Variants in XPNPEP1 observed in about 807,000 individuals in gnomAD.
XPNPEP1 encodes the protein xaa-Pro aminopeptidase 1.
XPNPEP1 carries 39 observed loss-of-function variants against 92.4 expected under a neutral mutation model. The ratio of observed to expected loss-of-function variants is 0.42; its 90% CI spans 0.33 to 0.55. The LOEUF is 0.55. Among genes scored for constraint, XPNPEP1 ranks in the 20% least tolerant of loss-of-function variants. The pLI, the probability that XPNPEP1 is intolerant of heterozygous loss-of-function variation, is 0.08. For synonymous variants in XPNPEP1, 307 were observed against 299.4 expected (o/e 1.03, Z -0.26); for missense variants, 654 against 856.1 (o/e 0.76, Z 2.95).
intron 1 of XPNPEP1, among the ~76,000 whole-genome samples, chr10:109,915,956 C>T (rs543691389): frequency 3.3e-5 from 5 of 152,052 alleles, no homozygotes; most frequent in Non-Finnish European, 7.4e-5. Context: ...TAATCCAGGC[C>T]CTATTCTGGA....
rs1847181793 is a variant in XPNPEP1 at position 109,867,004 on chromosome 10, A to C, written c.1872+1610T>G. On this transcript the variant is annotated intron_variant, in intron 20 of 20. Coordinates refer to ENST00000502935, the MANE Select transcript of XPNPEP1 (RefSeq NM_020383.4). This position sits in a 1 kb window ranked among gnomAD's most constrained non-coding sequence, Gnocchi z 4.5. ...ACTTCCCTGGATAAAGGGGAATGTC[A>C]TATGGGAGAAATGCCTCCTGATGGG... Among the ~76,000 whole-genome samples, 1 of 152,256 alleles carries C rather than the reference A, an allele frequency of 6.6e-6. No homozygotes were observed. Among genetic ancestry groups the C allele is most frequent in the Non-Finnish European group, 1.5e-5 (1 of 68,038 alleles).
Position 109,880,926 on chromosome 10 carries a change from G to A in XPNPEP1, c.1047C>T (p.His349=). 6.2e-7 allele frequency: 1 copy of A among 1,613,876 alleles called. No homozygotes were observed. Among genetic ancestry groups the A allele is most frequent in the Non-Finnish European group, 8.5e-7 (1 of 1,179,890 alleles). The change falls in exon 11 of 21, where the codon CAC becomes CAT. Residue 349 remains histidine, a synonymous_variant. Coordinates refer to ENST00000502935, the MANE Select transcript of XPNPEP1 (RefSeq NM_020383.4). The part of the protein sequence containing the change: ...YAVSETIPKD[H]RCCMPYTPIC... ...TGGGGGTGTAAGGCATACAGCAGCG[G>A]TGGTCCTAGAGGCAAAGGGCAGTAG...
intron 1 of XPNPEP1, 55 bp downstream of exon 1, chr10:109,923,347 G>A: frequency 7.2e-7 from 1 of 1,394,772 alleles, no homozygotes; most frequent in Non-Finnish European, 9.3e-7. Context: ...ACGCGCGGCC[G>A]CGCAGCGAGG....
At chr10:109,910,452 G>A (rs1009609630) in intron 2 of XPNPEP1, among the ~76,000 whole-genome samples, 4 of 151,406 alleles carry the variant, frequency 2.6e-5, no homozygotes, top group Admixed American at 1.3e-4. Context: ...GCTGAGGCAG[G>A]AGAATTGCTC....
In XPNPEP1 at chr10:109,918,484, G is replaced by A. The variant is rs138295322; in HGVS notation, c.33-3385C>T. Reference sequence around the variant, plus strand: ...ATTCAAAAATTAACACAAATGGGCCGGGCACGGTGGCTCACGCCTGTAATC... The same window carrying A: ...ATTCAAAAATTAACACAAATGGGCCAGGCACGGTGGCTCACGCCTGTAATC... On this transcript the variant is annotated intron_variant, in intron 1 of 20. Coordinates refer to ENST00000502935, the MANE Select transcript of XPNPEP1 (RefSeq NM_020383.4). Among the ~76,000 whole-genome samples, 1,165 of 150,184 alleles carry A rather than the reference G, an allele frequency of 7.8e-3. 17 individuals are homozygous for A. Among genetic ancestry groups the A allele is most frequent in the African/African-American group, 0.027 (1,117 of 40,890 alleles).
intron 9 of XPNPEP1, chr10:109,883,819 T>A: frequency 4.8e-6 from 2 of 413,654 alleles, no homozygotes; most frequent in Non-Finnish European, 8.6e-6. Flanking sequence ...AAACTTGACA[T>A]CAAATGGGTG....
chr10:109,870,059 A>G (rs374707813), intron 18 of XPNPEP1, 30 bp from the exon 19 acceptor site: 4 of 1,611,760 alleles, frequency 2.5e-6, no homozygotes, highest in Non-Finnish European at 3.4e-6. Context: ...AAAAATGAGA[A>G]GCAGCCCACG....
Position 109,873,537 on chromosome 10 carries a change from T to G in XPNPEP1, c.1392-110A>C, listed in dbSNP as rs1289052350. The G allele has an allele frequency of 5.4e-6, 7 of 1,299,306 alleles. No individual in the cohort carries two copies. In the East Asian group the frequency reaches 9.3e-5, roughly 17 times the overall value. 80.5% of individuals were successfully genotyped at this position (1,299,306 alleles called of 1,614,324 possible). A position where few individuals can be genotyped will look rare whatever the true frequency, so the allele number is the denominator to read the frequency against. ...AAGCCCCATACAATGCTGGTGGGCA[T>G]GTAAAATAGCACAGCCATCTTTGCA... On this transcript the variant is annotated intron_variant, in intron 15 of 20. Transcript: ENST00000502935.
chr10:109,905,308 C>A (rs1024101620), intron 3 of XPNPEP1, among the ~76,000 whole-genome samples: 1 of 152,116 alleles, frequency 6.6e-6, no homozygotes, highest in Non-Finnish European at 1.5e-5. Context: ...CTCTCAGGAT[C>A]AAGCAAATTC....
Position 109,877,991 on chromosome 10 carries a change from G to A in XPNPEP1, c.1241+9C>T. On this transcript the variant is annotated intron_variant, in intron 13 of 20. Transcript: ENST00000502935. Reference sequence around the variant, plus strand: ...CGAGGCTCCTGGGTCCCCCCAAATGGATCCTTACCTGCGAAACTCCTCAGC... The same window carrying A: ...CGAGGCTCCTGGGTCCCCCCAAATGAATCCTTACCTGCGAAACTCCTCAGC... 2 of 1,614,204 alleles carry A rather than the reference G, an allele frequency of 1.2e-6. No individual in the cohort carries two copies. The highest frequency in any genetic ancestry group is 1.7e-6 in the Non-Finnish European group (2 of 1,180,034).
chr10:109,883,189 C>T (rs1848203474), intron 9 of XPNPEP1, among the ~76,000 whole-genome samples: 1 of 152,162 alleles, frequency 6.6e-6, no homozygotes, highest in South Asian at 2.1e-4. Flanking sequence ...CCCCTGCTCA[C>T]ATTCTGGCCT....
chr10:109,886,784 C>T (rs115462772), intron 7 of XPNPEP1, among the ~76,000 whole-genome samples: 165 of 152,302 alleles, frequency 1.1e-3, no homozygotes, highest in African/African-American at 3.7e-3. Flanking sequence ...CAACACACTA[C>T]CCAGCAAAGG....
At chr10:109,896,763 C>T (rs918103143) in intron 3 of XPNPEP1, among the ~76,000 whole-genome samples, 2 of 152,018 alleles carry the variant, frequency 1.3e-5, no homozygotes, top group African/African-American at 4.8e-5. Context: ...CTTTTCCCTA[C>T]ATCCAGTTAA....
rs868574498 is a variant in XPNPEP1 at position 109,878,547 on chromosome 10, A to G, written c.1183-489T>C. ...ATCCTTTTTTAAGGCCTCAATGTACATGGAAAATGTTCACACTATGATTCT... is the reference window on the plus strand; with the variant it reads ...ATCCTTTTTTAAGGCCTCAATGTACGTGGAAAATGTTCACACTATGATTCT... On this transcript the variant is annotated intron_variant, in intron 12 of 20. Coordinates refer to ENST00000502935, the MANE Select transcript of XPNPEP1 (RefSeq NM_020383.4). 3.3e-4 allele frequency among the ~76,000 whole-genome samples: 51 copies of G among 152,314 alleles called. 1 individual carries two copies. Among genetic ancestry groups the G allele is most frequent in the Middle Eastern group, 3.4e-3 (1 of 294 alleles).
intron 15 of XPNPEP1, among the ~76,000 whole-genome samples, chr10:109,874,732 G>A (rs1471412262): frequency 1.3e-5 from 2 of 152,158 alleles, no homozygotes; most frequent in East Asian, 1.9e-4. Context: ...GGCGGATCAC[G>A]AGGTCAGGAG....
intron 20 of XPNPEP1, among the ~76,000 whole-genome samples, chr10:109,866,760 G>A (rs921718222): frequency 6.6e-6 from 1 of 152,206 alleles, no homozygotes; most frequent in Non-Finnish European, 1.5e-5. Context: ...AAATAGTAAA[G>A]GGCAAATGAC....
chr10:109,908,066 A>G (rs1299459604), intron 2 of XPNPEP1, among the ~76,000 whole-genome samples: 1 of 152,204 alleles, frequency 6.6e-6, no homozygotes, highest in African/African-American at 2.4e-5. Flanking sequence ...TTCCAACTTG[A>G]CTGGTTACCT....
chr10:109,890,064 A>C (rs963633076), intron 5 of XPNPEP1, among the ~76,000 whole-genome samples: 1 of 152,206 alleles, frequency 6.6e-6, no homozygotes, highest in African/African-American at 2.4e-5. Context: ...CCAGGGATGA[A>C]TCACTCACTG....
At chr10:109,877,529 A>T in intron 14 of XPNPEP1, 1 of 496,396 alleles carries the variant, frequency 2.0e-6, no homozygotes, top group Non-Finnish European at 3.6e-6. Context: ...GCAGCTTCAA[A>T]AAGGAAAGAG....
Sources: allele counts gnomAD v4.1 joint callset (sites outside exome capture counted in the v4.1 genomes callset), GRCh38; gene constraint gnomAD v4.1.1; non-coding constraint Gnocchi (gnomAD v3.1); transcripts MANE v1.5; gene names NCBI Gene and HGNC (gene_info 2026-07-23, HGNC 2026-07-21).